ASIC2: variants seen among roughly 807,000 people sequenced by gnomAD.
ASIC2 encodes the protein acid sensing ion channel subunit 2.
A neutral mutation model predicts 57.3 loss-of-function variants in ASIC2; 25 were observed. That is an observed-to-expected ratio of 0.44 (90% CI 0.32 to 0.61). ASIC2 has a LOEUF of 0.61. Among genes scored for constraint, ASIC2 ranks in the 20% least tolerant of loss-of-function variants. ASIC2 has a pLI of 0.06. For missense variants in ASIC2, 641 were observed against 738.1 expected (o/e 0.87, Z 1.52); for synonymous variants, 319 against 307.5 (o/e 1.04, Z -0.39).
intron 1 of ASIC2, among the ~76,000 whole-genome samples, chr17:33,908,150 A>T (rs1317565743): frequency 2.6e-5 from 4 of 152,174 alleles, no homozygotes; most frequent in African/African-American, 9.7e-5. Context: ...CCTTTGAGAA[A>T]TTCTGTGCCC....
chr17:34,092,448 C>T (rs1412992631), intron 1 of ASIC2, among the ~76,000 whole-genome samples: 1 of 152,160 alleles, frequency 6.6e-6, no homozygotes, highest in African/African-American at 2.4e-5. Flanking sequence ...CCACCCTTGT[C>T]CCTCATGTCC....
chr17:33,053,356 T>C (rs2091985210), intron 3 of ASIC2, among the ~76,000 whole-genome samples: 1 of 152,228 alleles, frequency 6.6e-6, no homozygotes, highest in African/African-American at 2.4e-5. Context: ...ACTAACTGCA[T>C]GGATTCTTAA....
intron 1 of ASIC2, among the ~76,000 whole-genome samples, chr17:33,980,235 ACATATTTT>A (rs1001577712): frequency 6.6e-6 from 1 of 152,188 alleles, no homozygotes. Context: ...ACTGACAGCC[ACATATTTT>A]CAGGACTCAA....
intron 1 of ASIC2, among the ~76,000 whole-genome samples, chr17:33,744,409 C>T (rs1224321598): frequency 6.6e-6 from 1 of 152,148 alleles, no homozygotes; most frequent in Non-Finnish European, 1.5e-5. Context: ...GATTAGTAAA[C>T]AAGCATCCAA....
chr17:34,069,464 A>C (rs959061953), intron 1 of ASIC2: 1 of 149,152 alleles, frequency 6.7e-6, no homozygotes, highest in African/African-American at 2.5e-5. Flanking sequence ...GAGAGAAATT[A>C]CCAGGGCCTA....
intron 1 of ASIC2, among the ~76,000 whole-genome samples, chr17:34,106,772 C>T (rs1911073930): frequency 6.6e-6 from 1 of 152,272 alleles, no homozygotes. Flanking sequence ...AAAGCACTTT[C>T]TTATTTTCCT....
At position 33,017,598 on chromosome 17, in the gene ASIC2, A is replaced by G. The variant is rs977559297; in HGVS notation, c.1521+7T>C. 1 of 1,610,734 alleles carries G rather than the reference A, an allele frequency of 6.2e-7. No individual in the cohort carries two copies. The highest frequency in any genetic ancestry group is 1.3e-5 in the African/African-American group (1 of 74,858). ...GTCATTTCCCTGTGGGGAATCCCAA[A>G]TCTTACCTCATAAATATAATCAAAG... On this transcript the variant is annotated splice_region_variant and intron_variant, in intron 8 of 9. Coordinates refer to ENST00000225823, the MANE Select transcript of ASIC2 (RefSeq NM_183377.2).
chr17:33,639,542 T>A (rs1359844642), intron 1 of ASIC2, among the ~76,000 whole-genome samples: 1 of 152,126 alleles, frequency 6.6e-6, no homozygotes, highest in Non-Finnish European at 1.5e-5. Flanking sequence ...ACCATGAAAT[T>A]CTCAAAGAGG....
At chr17:33,542,210 G>T (rs1011239702) in intron 1 of ASIC2, among the ~76,000 whole-genome samples, 1 of 151,956 alleles carries the variant, frequency 6.6e-6, no homozygotes, top group Non-Finnish European at 1.5e-5. Flanking sequence ...AAACATACGT[G>T]TGCACGTGTC....
At chr17:33,077,154 C>G (rs766232181) in intron 3 of ASIC2, among the ~76,000 whole-genome samples, 13 of 151,956 alleles carry the variant, frequency 8.6e-5, no homozygotes, top group Non-Finnish European at 1.8e-4. Flanking sequence ...GTCCCCTTGG[C>G]TCTCCTGCAG....
At chr17:33,917,963 GCACACACA>G (rs35792828) in intron 1 of ASIC2, among the ~76,000 whole-genome samples, 16 of 138,520 alleles carry the variant, frequency 1.2e-4, no homozygotes, top group African/African-American at 3.6e-4. Flanking sequence ...ACGTGCATGT[GCACACACA>G]CACACACACA....
intron 1 of ASIC2, among the ~76,000 whole-genome samples, chr17:33,417,453 C>T (rs4795780): frequency 0.23 from 34,499 of 152,010 alleles, 4,511 homozygotes; most frequent in East Asian, 0.66. Flanking sequence ...CAAGACTACC[C>T]GGGAAACACA....
At chr17:33,313,190 G>T (rs1381916904) in intron 1 of ASIC2, among the ~76,000 whole-genome samples, 1 of 152,060 alleles carries the variant, frequency 6.6e-6, no homozygotes, top group East Asian at 1.9e-4. Flanking sequence ...GCCAGGCATA[G>T]TGGTGTGTAT....
intron 1 of ASIC2, among the ~76,000 whole-genome samples, chr17:33,462,991 T>C (rs1216624000): frequency 1.3e-5 from 2 of 152,196 alleles, no homozygotes; most frequent in African/African-American, 4.8e-5. Context: ...CCCTTGGGCT[T>C]GCCACTGCCC....
intron 1 of ASIC2, among the ~76,000 whole-genome samples, chr17:33,578,868 A>G (rs1916742655): frequency 6.6e-6 from 1 of 152,192 alleles, no homozygotes; most frequent in Admixed American, 6.5e-5. Context: ...CTGTGACCTG[A>G]AACAGTGACC....
chr17:33,146,700 ATCACACCTGTG>A (rs1302728182), intron 1 of ASIC2, among the ~76,000 whole-genome samples: 3 of 152,224 alleles, frequency 2.0e-5, no homozygotes, highest in African/African-American at 7.2e-5. Context: ...AGAAGACAGC[ATCACACCTGTG>A]TCCTCATCTG....
At chr17:33,877,649 G>T (rs564975671) in intron 1 of ASIC2, among the ~76,000 whole-genome samples, 1 of 151,384 alleles carries the variant, frequency 6.6e-6, no homozygotes, top group Non-Finnish European at 1.5e-5. Flanking sequence ...GCTCAAGGAG[G>T]CCTGCCTGCC....
At chr17:33,400,826 C>T (rs1910258773) in intron 1 of ASIC2, among the ~76,000 whole-genome samples, 1 of 152,146 alleles carries the variant, frequency 6.6e-6, no homozygotes, top group Admixed American at 6.5e-5. Flanking sequence ...ACCCCTGCCA[C>T]CCCTGCCAGC....
At chr17:33,893,956 C>A (rs1915025288) in intron 1 of ASIC2, among the ~76,000 whole-genome samples, 1 of 152,188 alleles carries the variant, frequency 6.6e-6, no homozygotes, top group South Asian at 2.1e-4. Context: ...CAGTCAAAGT[C>A]AGATACATGG....
Sources: allele counts gnomAD v4.1 joint callset (sites outside exome capture counted in the v4.1 genomes callset), GRCh38; gene constraint gnomAD v4.1.1; transcripts MANE v1.5; gene names NCBI Gene and HGNC (gene_info 2026-07-23, HGNC 2026-07-21).